SAMMSON: variants seen among roughly 807,000 people sequenced by gnomAD.
The protein encoded by SAMMSON is long intergenic non-protein coding RNA 1212.
At chr3:70,017,452 G>C (rs1266052526) in intron 3 of SAMMSON, among the ~76,000 whole-genome samples, 2 of 152,064 alleles carry the variant, frequency 1.3e-5, no homozygotes, top group African/African-American at 4.8e-5. Flanking sequence ...AGACTTTGCT[G>C]AAGTTGCCTA....
intron 4 of SAMMSON, chr3:70,095,962 C>G (rs2067321548): frequency 6.6e-6 from 1 of 152,158 alleles, no homozygotes; most frequent in Non-Finnish European, 1.5e-5. Context: ...GTTTATTTTT[C>G]CACAGTTTCT....
intron 4 of SAMMSON, among the ~76,000 whole-genome samples, chr3:70,173,342 C>T (rs775326665): frequency 6.6e-6 from 1 of 151,894 alleles, no homozygotes. Flanking sequence ...AATTTAAAAA[C>T]ATTTATTGAA....
At chr3:70,063,277 A>T (rs1297879614) in intron 3 of SAMMSON, among the ~76,000 whole-genome samples, 1 of 152,114 alleles carries the variant, frequency 6.6e-6, no homozygotes, top group Non-Finnish European at 1.5e-5. Context: ...TCATTATTCT[A>T]CACCAAATAT....
chr3:70,076,506 A>C (rs1187163297), intron 4 of SAMMSON, among the ~76,000 whole-genome samples: 2 of 152,162 alleles, frequency 1.3e-5, no homozygotes, highest in Non-Finnish European at 2.9e-5. Flanking sequence ...TTGAAGTGAC[A>C]GTCTGTAAAT....
At position 70,258,152 on chromosome 3, in the gene SAMMSON, G is replaced by A. The variant is rs11708757; in HGVS notation, n.674+8482G>A. 9.9e-5 allele frequency among the ~76,000 whole-genome samples: 15 copies of A among 151,908 alleles called. No homozygotes were observed. In the East Asian group the frequency reaches 2.5e-3, roughly 26 times the overall value. On this transcript the variant is annotated intron_variant and non_coding_transcript_variant, in intron 6 of 9. Coordinates refer to ENST00000642114, the Ensembl canonical transcript of SAMMSON. ...AAAAATTAATTTGAAATGGATCATCGATCTAAATGTAAGGCAAAAACTATC... is the reference window on the plus strand; with the variant it reads ...AAAAATTAATTTGAAATGGATCATCAATCTAAATGTAAGGCAAAAACTATC...
At chr3:70,069,767 T>G (rs1323093404) in intron 3 of SAMMSON, 1 of 152,120 alleles carries the variant, frequency 6.6e-6, no homozygotes, top group Non-Finnish European at 1.5e-5. Context: ...AAGGAGCAAC[T>G]TGACCAAGGT....
At chr3:70,037,887 T>C (rs2067092147) in intron 3 of SAMMSON, among the ~76,000 whole-genome samples, 1 of 152,174 alleles carries the variant, frequency 6.6e-6, no homozygotes, top group Non-Finnish European at 1.5e-5. Flanking sequence ...AATAAAGTTG[T>C]TGAGCTCAAC....
chr3:70,129,343 A>T (rs530475783), intron 4 of SAMMSON, among the ~76,000 whole-genome samples: 1 of 152,320 alleles, frequency 6.6e-6, no homozygotes, highest in South Asian at 2.1e-4. Flanking sequence ...AAAGATAAAC[A>T]TTTTTATGAT....
intron 4 of SAMMSON, among the ~76,000 whole-genome samples, chr3:70,163,198 A>C (rs1303600406): frequency 1.3e-5 from 2 of 150,850 alleles, no homozygotes; most frequent in African/African-American, 4.8e-5. Flanking sequence ...TTTTCCATAT[A>C]TCTTATGTCT....
At chr3:70,143,467 C>T (rs1324244629) in intron 4 of SAMMSON, among the ~76,000 whole-genome samples, 1 of 152,024 alleles carries the variant, frequency 6.6e-6, no homozygotes, top group Admixed American at 6.6e-5. Flanking sequence ...ATTCTCAATG[C>T]TTTCAGTTGT....
At chr3:70,037,585 G>C (rs2067091099) in intron 3 of SAMMSON, among the ~76,000 whole-genome samples, 1 of 152,110 alleles carries the variant, frequency 6.6e-6, no homozygotes, top group South Asian at 2.1e-4. Context: ...TTCACCTTGG[G>C]CTTCCCAGTT....
intron 2 of SAMMSON, among the ~76,000 whole-genome samples, chr3:70,413,193 A>G (rs1701235703): frequency 6.6e-6 from 1 of 152,112 alleles, no homozygotes; most frequent in Non-Finnish European, 1.5e-5. Context: ...TAGGTACTAT[A>G]ATTTGAGATA....
At chr3:70,079,632 G>A (rs1336837172) in intron 4 of SAMMSON, among the ~76,000 whole-genome samples, 2 of 152,208 alleles carry the variant, frequency 1.3e-5, no homozygotes, top group Non-Finnish European at 2.9e-5. Context: ...ATGTGCTAAT[G>A]TAAGTGTTCT....
intron 4 of SAMMSON, among the ~76,000 whole-genome samples, chr3:70,243,422 C>A (rs1403981894): frequency 6.6e-6 from 1 of 152,202 alleles, no homozygotes; most frequent in Non-Finnish European, 1.5e-5. Context: ...CTGTGTGCAG[C>A]AGCTGCACTG....
chr3:70,382,872 C>T (rs1397013422), intron 9 of SAMMSON, among the ~76,000 whole-genome samples: 2 of 151,950 alleles, frequency 1.3e-5, no homozygotes, highest in African/African-American at 4.8e-5. Flanking sequence ...ATGTTGAAAC[C>T]TTTTCCTTTG....
chr3:70,274,101 ATG>A (rs1397030079), intron 6 of SAMMSON, among the ~76,000 whole-genome samples: 3 of 85,484 alleles, frequency 3.5e-5, no homozygotes, highest in Non-Finnish European at 8.4e-5. Flanking sequence ...GCGCGCGCGC[ATG>A]TGTGTGTGTG....
At chr3:70,267,232 C>A (rs893461987) in intron 6 of SAMMSON, among the ~76,000 whole-genome samples, 1 of 151,890 alleles carries the variant, frequency 6.6e-6, no homozygotes, top group South Asian at 2.1e-4. Flanking sequence ...CTCATTTTTA[C>A]GAAGGGCAGA....
intron 2 of SAMMSON, among the ~76,000 whole-genome samples, chr3:70,430,021 G>A (rs1701401142): frequency 6.6e-6 from 1 of 152,172 alleles, no homozygotes; most frequent in Non-Finnish European, 1.5e-5. Context: ...GGAGTGGTGA[G>A]AGAGGGCATC....
chr3:70,073,787 CAT>C (rs1559785697), intron 4 of SAMMSON, among the ~76,000 whole-genome samples: 1 of 151,992 alleles, frequency 6.6e-6, no homozygotes, highest in Non-Finnish European at 1.5e-5. Flanking sequence ...TGGTTACAGC[CAT>C]AGACTTGGAA....
Sources: gnomAD v4.1 joint callset for allele counts (sites outside exome capture counted in the v4.1 genomes callset) on GRCh38, gnomAD v4.1.1 for gene constraint, MANE v1.5 for transcripts, NCBI Gene and HGNC (gene_info 2026-07-23, HGNC 2026-07-21) for gene names.